CFAP54: variants seen among roughly 807,000 people sequenced by gnomAD.
CFAP54 encodes the protein cilia and flagella associated protein 54, also known as cilia- and flagella-associated protein 54.
Under a neutral mutation model 370.4 loss-of-function variants are expected in CFAP54, and 290 were observed. The observed-to-expected ratio is 0.78, with a 90% CI of 0.71 to 0.86. The LOEUF (loss-of-function observed/expected upper bound fraction) is 0.86. Among genes scored for constraint, CFAP54 ranks in the 40% least tolerant of loss-of-function variants. The pLI is 0.00. For missense variants in CFAP54, 3,399 were observed against 3,528.7 expected, an observed-to-expected ratio of 0.96 and a Z score of 0.93; for synonymous variants, 1,206 against 1,236.5, an observed-to-expected ratio of 0.98 and a Z score of 0.52.
intron 17 of CFAP54, among the ~76,000 whole-genome samples, chr12:96,562,142 C>A (rs1215469105): frequency 6.6e-6 from 1 of 152,100 alleles, no homozygotes; most frequent in Non-Finnish European, 1.5e-5. Flanking sequence ...CTCACCTTCT[C>A]CATTTTTGTA....
At position 96,791,851 on chromosome 12, in the gene CFAP54, C is replaced by CT. The variant is rs112115771; in HGVS notation, c.8680-462dup. ...ACTGGGTTCTGAAGCATTTTTTTTTCTTTTTTTTTTTTTTTTGAGATGGAG... is the reference window on the plus strand; with the variant it reads ...ACTGGGTTCTGAAGCATTTTTTTTTCTTTTTTTTTTTTTTTTTGAGATGGAG... On this transcript the variant is annotated intron_variant, in intron 62 of 67. Coordinates refer to ENST00000524981, the MANE Select transcript of CFAP54 (RefSeq NM_001306084.2). 9.4e-3 allele frequency among the ~76,000 whole-genome samples: 1,259 copies of CT among 134,418 alleles called. 7 individuals carry two copies. Among genetic ancestry groups the CT allele is most frequent in the East Asian group, 0.02 (92 of 4,634 alleles). The allele number at this position is 134,418 out of a possible 152,430, so 88.2% of individuals were successfully genotyped here. A position where few individuals can be genotyped will look rare whatever the true frequency, so the allele number is the denominator to read the frequency against.
At chr12:96,706,115 A>C (rs1215771902) in intron 47 of CFAP54, among the ~76,000 whole-genome samples, 1 of 152,174 alleles carries the variant, frequency 6.6e-6, no homozygotes, top group Non-Finnish European at 1.5e-5. Context: ...AACATTAGTC[A>C]ATCAACAATA....
At chr12:96,680,839 T>C (rs994594743) in intron 40 of CFAP54, among the ~76,000 whole-genome samples, 6 of 152,130 alleles carry the variant, frequency 3.9e-5, no homozygotes, top group African/African-American at 1.4e-4. Flanking sequence ...ATCCCAGCAC[T>C]TTGGGAGGCC....
intron 58 of CFAP54, among the ~76,000 whole-genome samples, chr12:96,759,590 T>C (rs1023438201): frequency 5.9e-5 from 9 of 152,166 alleles, no homozygotes; most frequent in African/African-American, 2.2e-4. Context: ...AAATATAACA[T>C]TTGAAATATG....
At position 96,609,194 on chromosome 12, in the gene CFAP54, C is replaced by A. The variant is rs1004601814; in HGVS notation, c.3639+10427C>A. ...AGTGTTTATGTAGTGTCCTTCAAAT[C>A]TGTTCTGTCAGATCACCCTTCTCTG... On this transcript the variant is annotated intron_variant, in intron 26 of 67. Coordinates refer to ENST00000524981, the MANE Select transcript of CFAP54 (RefSeq NM_001306084.2). Among the ~76,000 whole-genome samples, 4 of 152,194 alleles carry A rather than the reference C, an allele frequency of 2.6e-5. No individual in the cohort carries two copies. The South Asian group carries it at 8.3e-4, about 32-fold the overall frequency.
At chr12:96,510,810 A>G (rs1955156726) in intron 4 of CFAP54, among the ~76,000 whole-genome samples, 1 of 152,022 alleles carries the variant, frequency 6.6e-6, no homozygotes, top group Admixed American at 6.6e-5. Flanking sequence ...TAAAAATACA[A>G]AAATTAGCTG....
chr12:96,563,248 T>C (rs1192300497), intron 17 of CFAP54, among the ~76,000 whole-genome samples: 1 of 152,220 alleles, frequency 6.6e-6, no homozygotes, highest in African/African-American at 2.4e-5. Flanking sequence ...TGGAATTAGT[T>C]ATTATTTCCT....
At chr12:96,691,523 T>G (rs1438580565) in intron 44 of CFAP54, among the ~76,000 whole-genome samples, 2 of 152,212 alleles carry the variant, frequency 1.3e-5, no homozygotes, top group Non-Finnish European at 2.9e-5. Context: ...TATTTGACTT[T>G]TTCTCCTTTT....
At position 96,765,171 on chromosome 12, in the gene CFAP54, A is replaced by C. The variant is rs1262119915; in HGVS notation, c.8234A>C (p.Glu2745Ala). Residue 2745 changes from glutamate (E) to alanine (A), a missense_variant, in exon 60 of 68, where the codon GAA (glutamate) becomes GCA (alanine). Glu to Ala is a moderately radical substitution (Grantham distance 107). Around this residue, in one of 3 missense-constraint regions of CFAP54, gnomAD observed 2,796 missense variants for 2,869.7 expected, o/e 0.97. Transcript: ENST00000524981. ...CAAGTGGCATTACCAAATATCCCAG[A>C]ATTTGCTGCTCTGGATCTTTTGTCT... ...VNQVALPNIP[E>A]FAALDLLSSY... The C allele has an allele frequency of 4.5e-6, 7 of 1,543,034 alleles. No individual in the cohort carries two copies. Among genetic ancestry groups the C allele is most frequent in the Non-Finnish European group, 6.2e-6 (7 of 1,132,022 alleles).
At chr12:96,687,347 C>T (rs1332237798) in intron 42 of CFAP54, among the ~76,000 whole-genome samples, 2 of 152,194 alleles carry the variant, frequency 1.3e-5, no homozygotes, top group Non-Finnish European at 2.9e-5. Flanking sequence ...TTTAGCCTAC[C>T]ACACATAACA....
chr12:96,767,302 G>A (rs903231983), intron 60 of CFAP54, among the ~76,000 whole-genome samples: 3 of 152,212 alleles, frequency 2.0e-5, no homozygotes, highest in Non-Finnish European at 4.4e-5. Flanking sequence ...AAAAGGTGCT[G>A]TGATTAATTA....
At chr12:96,588,490 A>G (rs977018538) in intron 22 of CFAP54, among the ~76,000 whole-genome samples, 4 of 152,214 alleles carry the variant, frequency 2.6e-5, no homozygotes, top group Non-Finnish European at 2.9e-5. Context: ...TAAACTTTGA[A>G]GAGTCTATCT....
chr12:96,754,724 C>G (rs1802457436), intron 56 of CFAP54, among the ~76,000 whole-genome samples: 2 of 151,958 alleles, frequency 1.3e-5, no homozygotes. Context: ...CTTGTTGCTA[C>G]CCATGTGCTC....
intron 21 of CFAP54, 83 bp downstream of exon 21, chr12:96,580,772 ATCTC>A: frequency 8.8e-7 from 1 of 1,137,280 alleles, no homozygotes. Context: ...GTTTTGGTGA[ATCTC>A]TCTAATTTCC....
intron 39 of CFAP54, among the ~76,000 whole-genome samples, chr12:96,666,633 C>T (rs373477548): frequency 3.9e-5 from 6 of 152,132 alleles, no homozygotes; most frequent in African/African-American, 1.4e-4. Flanking sequence ...ATCATGAGAA[C>T]AACATGGGAA....
At chr12:96,632,493 CAATTT>C (rs1468294215) in intron 32 of CFAP54, among the ~76,000 whole-genome samples, 1 of 151,880 alleles carries the variant, frequency 6.6e-6, no homozygotes, top group Non-Finnish European at 1.5e-5. Context: ...TTGGCCGGCA[CAATTT>C]ATTGAGTAAT....
intron 66 of CFAP54, among the ~76,000 whole-genome samples, chr12:96,850,780 G>A (rs1385073882): frequency 2.6e-5 from 4 of 152,198 alleles, no homozygotes; most frequent in Non-Finnish European, 4.4e-5. Context: ...GCAAGAGAGA[G>A]AGCATGGCAG....
Position 96,591,908 on chromosome 12 carries a change from A to ATT in CFAP54, c.3213-581_3213-580insTT, listed in dbSNP as rs199973253. ...TCCGTCTCAAAAAAAAAAAAAAGAA[A>ATT]TATTTTTTTTTTTTTGTGGGGAATG... On this transcript the variant is annotated intron_variant, in intron 23 of 67. Coordinates refer to ENST00000524981, the MANE Select transcript of CFAP54 (RefSeq NM_001306084.2). Among the ~76,000 whole-genome samples, 371 of 111,964 alleles carry ATT rather than the reference A, an allele frequency of 3.3e-3. 3 individuals carry two copies. The highest frequency in any genetic ancestry group is 0.011 in the African/African-American group (359 of 33,414). 73.5% of individuals were successfully genotyped at this position (111,964 alleles called of 152,430 possible).
chr12:96,608,388 C>G (rs980270369), intron 26 of CFAP54, among the ~76,000 whole-genome samples: 6 of 151,048 alleles, frequency 4.0e-5, no homozygotes, highest in Admixed American at 4.0e-4. Context: ...AAATATGTCT[C>G]TCTATATACA....
Sources: gnomAD v4.1 joint callset for allele counts (sites outside exome capture counted in the v4.1 genomes callset) on GRCh38, gnomAD v4.1.1 for gene constraint, gnomAD v4.1.1 regional missense constraint, MANE v1.5 for transcripts, NCBI Gene and HGNC (gene_info 2026-07-23, HGNC 2026-07-21) for gene names.